Variants in FTCDNL1 observed in about 807,000 individuals in gnomAD.
FTCDNL1 encodes the protein formiminotransferase cyclodeaminase N-terminal like, also known as formiminotransferase N-terminal subdomain-containing protein.
FTCDNL1 carries 11 observed loss-of-function variants against 5.9 expected under a neutral mutation model. The ratio of observed to expected loss-of-function variants is 1.87; its 90% CI spans 1.18 to 3.10. The LOEUF (loss-of-function observed/expected upper bound fraction) is 3.10, where lower values mean the gene tolerates loss of function less well. Ranked by LOEUF, FTCDNL1 falls within the 30% of genes most tolerant of loss-of-function variation. The pLI is 0.00. For missense variants in FTCDNL1, 115 were observed against 65.5 expected, an observed-to-expected ratio of 1.76 and a Z score of -2.61; for synonymous variants, 58 against 24.8, an observed-to-expected ratio of 2.34 and a Z score of -3.99.
chr2:199,800,723 GT>G (rs1700402931), intron 3 of FTCDNL1, among the ~76,000 whole-genome samples: 1 of 152,158 alleles, frequency 6.6e-6, no homozygotes, highest in African/African-American at 2.4e-5. Context: ...ACAGAAATGT[GT>G]TTTTAATCAT....
chr2:199,670,374 C>G, the FTCDNL1 span, among the ~76,000 whole-genome samples: 1 of 152,282 alleles, frequency 6.6e-6, no homozygotes, highest in African/African-American at 2.4e-5. Flanking sequence ...CTGTCACTTT[C>G]CAGTCTCTGG....
downstream of FTCDNL1, among the ~76,000 whole-genome samples, chr2:199,758,500 AC>A (rs1480182948): frequency 6.6e-6 from 1 of 151,956 alleles, no homozygotes; most frequent in African/African-American, 2.4e-5. Context: ...CATACTTCAT[AC>A]ACTGCTGGGG....
At chr2:199,667,774 T>C in the FTCDNL1 span, among the ~76,000 whole-genome samples, 7 of 152,336 alleles carry the variant, frequency 4.6e-5, no homozygotes, top group South Asian at 1.4e-3. Flanking sequence ...ATTTGTTCTG[T>C]CATGAAATAT....
Position 199,812,143 on chromosome 2 carries a change from T to C in FTCDNL1, c.*562A>G, listed in dbSNP as rs1404720867. ...ACACAATATTTTTGTTTTATTACTA[T>C]TTCTTATTCAAGTAGTGATAAAACG... On this transcript the variant is annotated 3_prime_UTR_variant, in exon 5 of 5. Coordinates refer to ENST00000420128, the MANE Select transcript of FTCDNL1 (RefSeq NM_001363886.2). 6.6e-6 allele frequency among the ~76,000 whole-genome samples: 1 copy of C among 152,208 alleles called. No homozygotes were observed. Among genetic ancestry groups the C allele is most frequent in the Non-Finnish European group, 1.5e-5 (1 of 68,042 alleles).
the FTCDNL1 span, among the ~76,000 whole-genome samples, chr2:199,725,982 T>G: frequency 6.6e-6 from 1 of 152,208 alleles, no homozygotes; most frequent in South Asian, 2.1e-4. Context: ...AAGTATGTTT[T>G]CCAACTTGGT....
chr2:199,703,239 T>C, the FTCDNL1 span, among the ~76,000 whole-genome samples: 2 of 151,020 alleles, frequency 1.3e-5, no homozygotes, highest in East Asian at 3.9e-4. Context: ...CAGAGTGTGA[T>C]GTTCCGACTC....
At position 199,801,057 on chromosome 2, in the gene FTCDNL1, C is replaced by T. The variant is rs552532800; in HGVS notation, c.212-40222G>A. On this transcript the variant is annotated intron_variant, in intron 3 of 3. Coordinates refer to the FTCDNL1 transcript ENST00000416668. ...TCCATAGCTTTTGATCCTCGTTTTTCCTCCACTTCTTACATACTTCTGATG... is the reference window on the plus strand; with the variant it reads ...TCCATAGCTTTTGATCCTCGTTTTTTCTCCACTTCTTACATACTTCTGATG... Among the ~76,000 whole-genome samples the T allele has an allele frequency of 2.6e-5, 4 of 152,296 alleles. No individual in the cohort carries two copies. The South Asian group carries it at 8.3e-4, about 32-fold the overall frequency.
the FTCDNL1 span, among the ~76,000 whole-genome samples, chr2:199,679,818 C>T: frequency 2.0e-5 from 3 of 152,098 alleles, no homozygotes; most frequent in Admixed American, 6.5e-5. Context: ...TTGACATCAT[C>T]TGGGATTTCA....
At chr2:199,675,384 C>T in the FTCDNL1 span, among the ~76,000 whole-genome samples, 6 of 151,878 alleles carry the variant, frequency 4.0e-5, no homozygotes, top group African/African-American at 1.5e-4. Context: ...TATTATGATG[C>T]AATATTCAAT....
intron 2 of FTCDNL1, among the ~76,000 whole-genome samples, chr2:199,847,615 T>C (rs1435347486): frequency 6.6e-6 from 1 of 152,218 alleles, no homozygotes; most frequent in Admixed American, 6.5e-5. Context: ...AATTGTTTGG[T>C]ATTTGTAATG....
At chr2:199,747,009 G>A in the FTCDNL1 span, among the ~76,000 whole-genome samples, 2 of 147,318 alleles carry the variant, frequency 1.4e-5, no homozygotes, top group African/African-American at 2.5e-5. Context: ...CTGTTTCAGA[G>A]AAGAGGGTTT....
the FTCDNL1 span, among the ~76,000 whole-genome samples, chr2:199,695,918 T>C: frequency 6.6e-6 from 1 of 152,166 alleles, no homozygotes; most frequent in Admixed American, 6.5e-5. Flanking sequence ...ATCTTGCCCA[T>C]GGGACCGAGG....
chr2:199,836,650 C>T (rs1246117959), intron 3 of FTCDNL1, among the ~76,000 whole-genome samples: 1 of 152,074 alleles, frequency 6.6e-6, no homozygotes. Flanking sequence ...GCTGTAGTTC[C>T]AGCTATTCGG....
At chr2:199,723,546 G>C in the FTCDNL1 span, among the ~76,000 whole-genome samples, 12,421 of 152,020 alleles carry the variant, frequency 0.082, 1,041 homozygotes, top group African/African-American at 0.18. Context: ...TTATTGTTTT[G>C]AAATATGTTC....
chr2:199,701,097 T>A, the FTCDNL1 span, among the ~76,000 whole-genome samples: 1 of 152,134 alleles, frequency 6.6e-6, no homozygotes, highest in Non-Finnish European at 1.5e-5. Flanking sequence ...CAGAATTATC[T>A]ATTTCAGAAA....
In FTCDNL1 at chr2:199,841,170, G is replaced by C. The variant is rs560308839; in HGVS notation, c.211+4905C>G. On this transcript the variant is annotated intron_variant, in intron 3 of 4. Coordinates refer to ENST00000420128, the MANE Select transcript of FTCDNL1 (RefSeq NM_001363886.2). ...TGTCTTAAAAAAAAAAAAATTTAGA[G>C]ACCTAATAGTGATAAAAATGGGATG... Among the ~76,000 whole-genome samples, 9 of 148,536 alleles carry C rather than the reference G, an allele frequency of 6.1e-5. No individual in the cohort carries two copies. The South Asian group carries it at 2.0e-3, about 32-fold the overall frequency.
chr2:199,823,347 T>C (rs1701814261), intron 3 of FTCDNL1, among the ~76,000 whole-genome samples: 1 of 152,176 alleles, frequency 6.6e-6, no homozygotes, highest in African/African-American at 2.4e-5. Flanking sequence ...CCAAGAATCA[T>C]GAATGTTCTT....
At chr2:199,677,029 A>T in the FTCDNL1 span, among the ~76,000 whole-genome samples, 1 of 152,310 alleles carries the variant, frequency 6.6e-6, no homozygotes, top group African/African-American at 2.4e-5. Context: ...TGGAATAAAC[A>T]AGGAACACCG....
intron 3 of FTCDNL1, among the ~76,000 whole-genome samples, chr2:199,777,687 T>C (rs1291861557): frequency 1.3e-5 from 2 of 152,146 alleles, no homozygotes; most frequent in Admixed American, 1.3e-4. Context: ...TGAGGCTTTC[T>C]GTGGGGAAAA....
Sources: gnomAD v4.1 joint callset for allele counts (sites outside exome capture counted in the v4.1 genomes callset) on GRCh38, gnomAD v4.1.1 for gene constraint, MANE v1.5 for transcripts, NCBI Gene and HGNC (gene_info 2026-07-23, HGNC 2026-07-21) for gene names.